The following UGT2B11 variants were observed in gnomAD, a reference collection of about 807,000 sequenced individuals.
UGT2B11 encodes the protein UDP glucuronosyltransferase family 2 member B11, also known as UDP-glucuronosyltransferase 2B11.
Under a neutral mutation model 51.7 loss-of-function variants are expected in UGT2B11, and 49 were observed. The observed-to-expected ratio is 0.95, with a 90% CI of 0.75 to 1.20. The LOEUF (loss-of-function observed/expected upper bound fraction) is 1.20, where lower values mean the gene tolerates loss of function less well. Among genes scored for constraint, UGT2B11 ranks in the 50% most tolerant of loss-of-function variants. The probability of loss-of-function intolerance (pLI) is 0.00; values close to 1 mark genes in which losing one functional copy is unlikely to be tolerated. For missense variants in UGT2B11, 810 were observed against 622.1 expected, an observed-to-expected ratio of 1.30 and a Z score of -3.21; for synonymous variants, 273 against 209.0, an observed-to-expected ratio of 1.31 and a Z score of -2.64.
chr4:69,217,677 C>A (rs1231304589), upstream of UGT2B11, among the ~76,000 whole-genome samples: 1 of 151,940 alleles, frequency 6.6e-6, no homozygotes, highest in Non-Finnish European at 1.5e-5. Context: ...CAATGTGGAC[C>A]AACTCTGAAG....
intron 2 of UGT2B11, among the ~76,000 whole-genome samples, chr4:69,210,317 A>G (rs1173785697): frequency 2.0e-5 from 3 of 151,496 alleles, no homozygotes; most frequent in Non-Finnish European, 4.4e-5. Flanking sequence ...TTATGATTTC[A>G]CGTGAATATA....
chr4:69,204,910 G>C (rs183796004), intron 4 of UGT2B11, among the ~76,000 whole-genome samples: 18 of 151,694 alleles, frequency 1.2e-4, no homozygotes, highest in Admixed American at 1.1e-3. Flanking sequence ...TTTTAAATGT[G>C]CACAAAAGAG....
intron 2 of UGT2B11, among the ~76,000 whole-genome samples, chr4:69,209,154 A>C (rs903788158): frequency 5.3e-5 from 8 of 151,802 alleles, no homozygotes; most frequent in Admixed American, 5.3e-4. Context: ...ATTTTTATGA[A>C]TCAGTCTTGG....
upstream of UGT2B11, chr4:69,216,100 G>A (rs1249347296): frequency 6.6e-6 from 1 of 151,964 alleles, no homozygotes; most frequent in Non-Finnish European, 1.5e-5. Flanking sequence ...CATACTGCCA[G>A]TTGTAAATGG....
chr4:69,204,493 T>C lies in UGT2B11; in HGVS notation c.1247A>G (p.Asp416Gly). 1.2e-6 allele frequency: 2 copies of C among 1,612,292 alleles called. No individual in the cohort carries two copies. Among genetic ancestry groups the C allele is most frequent in the Non-Finnish European group, 1.7e-6 (2 of 1,178,840 alleles). ...MKAKGAAVRL[D>G]FNTMSSTDLL... ...GTCTGTACTCGACATTGTGTTGAAG[T>C]CCAATCTAACAGCTGCTCCCTTGGC... Residue 416 changes from aspartate (D) to glycine (G), a missense_variant, in exon 5 of 6, where the codon GAC (aspartate) becomes GGC (glycine). Transcript: ENST00000446444.
In UGT2B11 at chr4:69,205,428, C is replaced by A. The variant is rs370650138; in HGVS notation, c.1090+52G>T. 83 of 1,575,770 alleles carry A rather than the reference C, an allele frequency of 5.3e-5. 1 individual carries two copies. In the African/African-American group the frequency reaches 9.6e-4, roughly 18 times the overall value. ...TATTCAATAAGCATGTTTCATTAAC[C>A]CTCTAATGTGCAGTTACTAATATAT... On this transcript the variant is annotated intron_variant, in intron 4 of 5. Coordinates refer to ENST00000446444, the MANE Select transcript of UGT2B11 (RefSeq NM_001073.3).
At chr4:69,217,153 G>A (rs1273069464), upstream of UGT2B11, among the ~76,000 whole-genome samples, 4 of 151,940 alleles carry the variant, frequency 2.6e-5, no homozygotes, top group East Asian at 1.9e-4. Context: ...CATTCCTTAT[G>A]TTTCTCACTC....
chr4:69,203,214 T>A (rs938278115), intron 5 of UGT2B11, among the ~76,000 whole-genome samples: 1 of 151,692 alleles, frequency 6.6e-6, no homozygotes, highest in Non-Finnish European at 1.5e-5. Flanking sequence ...GGAATAGACA[T>A]GTTTTCTAAG....
chr4:69,223,253 G>C, the UGT2B11 span, among the ~76,000 whole-genome samples: 1 of 152,124 alleles, frequency 6.6e-6, no homozygotes, highest in Non-Finnish European at 1.5e-5. Flanking sequence ...CAGTTATTCA[G>C]GATATATCTT....
chr4:69,224,278 C>A, the UGT2B11 span, among the ~76,000 whole-genome samples: 1 of 152,132 alleles, frequency 6.6e-6, no homozygotes, highest in Non-Finnish European at 1.5e-5. Flanking sequence ...CACTCAGTAA[C>A]CCTTGCAGGG....
upstream of UGT2B11, among the ~76,000 whole-genome samples, chr4:69,218,874 G>T (rs1722338977): frequency 1.3e-5 from 2 of 152,124 alleles, no homozygotes; most frequent in Non-Finnish European, 2.9e-5. Flanking sequence ...CCATCTCTGT[G>T]CAATTTCTGG....
the UGT2B11 span, among the ~76,000 whole-genome samples, chr4:69,220,116 G>A: frequency 1.3e-5 from 2 of 152,130 alleles, no homozygotes; most frequent in African/African-American, 2.4e-5. Context: ...AGACAAAGGG[G>A]CTACAGGCTC....
chr4:69,213,167 A>G (rs1392396730), intron 1 of UGT2B11, among the ~76,000 whole-genome samples: 1 of 108,098 alleles, frequency 9.3e-6, no homozygotes, highest in African/African-American at 4.5e-5. Flanking sequence ...GGTTCAAGTG[A>G]ACTCTGTACT....
In UGT2B11 at chr4:69,205,556, T is replaced by A. The variant is rs1306173670; in HGVS notation, c.1014A>T (p.Arg338Ser). The change falls in exon 4 of 6, where the codon AGA becomes AGT. Residue 338 changes from arginine to serine, a missense_variant. By Grantham distance (110) the Arg-to-Ser change is moderately radical (BLOSUM62 -1). Coordinates refer to ENST00000446444, the MANE Select transcript of UGT2B11 (RefSeq NM_001073.3). ...AGGCATCTGGTTTATTCCCGTCAAATCTCCACAGAACCTGTTACAGTAAAG... is the reference window on the plus strand; with the variant it reads ...AGGCATCTGGTTTATTCCCGTCAAAACTCCACAGAACCTGTTACAGTAAAG... ...LAKIPQKVLW[R>S]FDGNKPDALG... 3.7e-6 allele frequency: 6 copies of A among 1,609,856 alleles called. No homozygotes were observed. The highest frequency in any genetic ancestry group is 1.8e-4 in the Middle Eastern group (1 of 5,678).
In UGT2B11 at chr4:69,205,578, A is replaced by G. The variant is rs753358586; in HGVS notation, c.1003-11T>C. On this transcript the variant is annotated splice_polypyrimidine_tract_variant and intron_variant, in intron 3 of 5. Coordinates refer to ENST00000446444, the MANE Select transcript of UGT2B11 (RefSeq NM_001073.3). ...AAATCTCCACAGAACCTGTTACAGTAAAGAGAATATCTTATTCCATGAGTG... is the reference window on the plus strand; with the variant it reads ...AAATCTCCACAGAACCTGTTACAGTGAAGAGAATATCTTATTCCATGAGTG... 3.7e-6 allele frequency: 6 copies of G among 1,608,186 alleles called. No homozygotes were observed. The highest frequency in any genetic ancestry group is 5.1e-6 in the Non-Finnish European group (6 of 1,176,926).
At chr4:69,205,754 C>A (rs1301514064) in intron 3 of UGT2B11, 187 bp from the exon 4 acceptor site, 2 of 626,508 alleles carry the variant, frequency 3.2e-6, no homozygotes, top group Non-Finnish European at 4.9e-6. Flanking sequence ...ATATAAGAAA[C>A]CATGATTTTC....
At chr4:69,212,169 T>G (rs890105967) in intron 2 of UGT2B11, among the ~76,000 whole-genome samples, 7 of 151,614 alleles carry the variant, frequency 4.6e-5, no homozygotes, top group Non-Finnish European at 8.9e-5. Flanking sequence ...ATTAATTACT[T>G]TTCTATATAT....
Position 69,204,561 on chromosome 4 carries a change from A to T in UGT2B11, c.1179T>A (p.Ile393=). ...AIYHGIPMVG[I]PLFFDQPDNI... is the part of the protein sequence containing the mutation. The stretch of plus-strand genomic sequence containing the variant: ...TATCAGGTTGATCAAAAAACAATGG[A>T]ATGCCCACCATAGGGATCCCATGGT... The change falls in exon 5 of 6, where the codon ATT becomes ATA. Residue 393 remains isoleucine (I), a synonymous_variant. Coordinates refer to ENST00000446444, the MANE Select transcript of UGT2B11 (RefSeq NM_001073.3). 4 of 1,612,348 alleles carry T rather than the reference A, an allele frequency of 2.5e-6. No homozygotes were observed. In the South Asian group the frequency reaches 3.3e-5, roughly 13 times the overall value.
the UGT2B11 span, among the ~76,000 whole-genome samples, chr4:69,220,533 G>T: frequency 0.01 from 86 of 8,328 alleles, no homozygotes; most frequent in South Asian, 0.068. Context: ...TCTCAACCAT[G>T]TGTAAGACTA....
Sources: gnomAD v4.1 joint callset for allele counts (sites outside exome capture counted in the v4.1 genomes callset) on GRCh38, gnomAD v4.1.1 for gene constraint, MANE v1.5 for transcripts, NCBI Gene and HGNC (gene_info 2026-07-23, HGNC 2026-07-21) for gene names.